Variants in ANO3 observed in about 807,000 individuals in gnomAD.
ANO3 encodes anoctamin-3.
A neutral mutation model predicts 144.8 loss-of-function variants in ANO3; 99 were observed. The ratio of observed to expected loss-of-function variants is 0.68; its 90% confidence interval spans 0.58 to 0.81. ANO3 has a LOEUF of 0.81. Ranked by LOEUF, ANO3 falls within the 30% of genes least tolerant of loss-of-function variation. ANO3 has a pLI of 0.00. For missense variants in ANO3, 905 were observed against 1,202.2 expected (o/e 0.75, Z 3.66); for synonymous variants, 414 against 392.6 (o/e 1.05, Z -0.64).
intron 6 of ANO3, among the ~76,000 whole-genome samples, chr11:26,520,260 A>G (rs1862018743): frequency 6.6e-6 from 1 of 152,168 alleles, no homozygotes; most frequent in Admixed American, 6.5e-5. Context: ...GGAGATTTTG[A>G]AGAGGATGTT....
At chr11:26,450,953 G>C (rs778640698) in intron 3 of ANO3, among the ~76,000 whole-genome samples, 1 of 152,180 alleles carries the variant, frequency 6.6e-6, no homozygotes, top group Non-Finnish European at 1.5e-5. Flanking sequence ...ATAATAGTCT[G>C]CTATATTATA....
intron 22 of ANO3, among the ~76,000 whole-genome samples, chr11:26,642,342 C>CTTTTTTTTTTTTTTTT (rs576729432): frequency 1.1e-5 from 1 of 93,062 alleles, no homozygotes; most frequent in Non-Finnish European, 2.1e-5. Context: ...TTCTTTCTTT[C>CTTTTTTTTTTTTTTTT]TTTTTTTTTT....
chr11:26,647,575 G>T (rs944416584), intron 23 of ANO3, 134 bp from the exon 24 acceptor site: 3 of 708,392 alleles, frequency 4.2e-6, no homozygotes, highest in Non-Finnish European at 6.8e-6. Context: ...TATTGAGATA[G>T]TATAATAAGA....
At chr11:26,515,311 G>T (rs1257693805) in intron 5 of ANO3, among the ~76,000 whole-genome samples, 1 of 148,084 alleles carries the variant, frequency 6.8e-6, no homozygotes, top group Non-Finnish European at 1.5e-5. Context: ...CAGAAGTTTG[G>T]AAATTCAGCA....
At chr11:26,205,195 C>T (rs927743992) in intron 1 of ANO3, among the ~76,000 whole-genome samples, 6 of 152,106 alleles carry the variant, frequency 3.9e-5, no homozygotes, top group South Asian at 4.1e-4. Flanking sequence ...GGAATTATTA[C>T]GATTCAAGGT....
intron 1 of ANO3, among the ~76,000 whole-genome samples, chr11:26,230,554 T>C (rs1432933578): frequency 2.0e-5 from 3 of 151,996 alleles, no homozygotes; most frequent in Non-Finnish European, 4.4e-5. Context: ...CCCAGCATTT[T>C]GGGAGGCCAA....
At position 26,506,150 on chromosome 11, in the gene ANO3, C is replaced by T. The variant is rs532375087; in HGVS notation, c.433-1954C>T. 2.0e-3 allele frequency among the ~76,000 whole-genome samples: 298 copies of T among 152,270 alleles called. 3 individuals are homozygous for T. Among genetic ancestry groups the T allele is most frequent in the Middle Eastern group, 0.017 (5 of 294 alleles). ...CTGTGCCTTCTGTGGCAAAAAAATTCCCTCACCTAAAAGTACTTCTCTCAC... is the reference window on the plus strand; with the variant it reads ...CTGTGCCTTCTGTGGCAAAAAAATTTCCTCACCTAAAAGTACTTCTCTCAC... On this transcript the variant is annotated intron_variant, in intron 4 of 26. Coordinates refer to ENST00000256737, the MANE Select transcript of ANO3 (RefSeq NM_031418.4).
intron 24 of ANO3, among the ~76,000 whole-genome samples, chr11:26,652,185 A>T (rs1385742335): frequency 6.6e-6 from 1 of 152,208 alleles, no homozygotes; most frequent in Non-Finnish European, 1.5e-5. Flanking sequence ...GACTAGTTTC[A>T]CTTTAAATTT....
chr11:26,500,655 T>G (rs1055040161), intron 4 of ANO3, among the ~76,000 whole-genome samples: 3 of 152,154 alleles, frequency 2.0e-5, no homozygotes, highest in African/African-American at 7.2e-5. Flanking sequence ...TATTTGTGTT[T>G]TTATTGTTGA....
chr11:26,425,827 T>C (rs74814251), intron 1 of ANO3, among the ~76,000 whole-genome samples: 1,994 of 152,274 alleles, frequency 0.013, 38 homozygotes, highest in African/African-American at 0.045. Flanking sequence ...CTAAGTGTCT[T>C]ATTTATTTCA....
chr11:26,605,275 T>C (rs1204440516), intron 17 of ANO3, among the ~76,000 whole-genome samples: 1 of 152,190 alleles, frequency 6.6e-6, no homozygotes, highest in Non-Finnish European at 1.5e-5. Flanking sequence ...GCCAACTTGA[T>C]GGTGGTGGAT....
chr11:26,273,708 T>C (rs761955889), intron 1 of ANO3, among the ~76,000 whole-genome samples: 8 of 151,480 alleles, frequency 5.3e-5, no homozygotes, highest in Non-Finnish European at 8.8e-5. Flanking sequence ...GATTTCAAGA[T>C]GTGAATCTTG....
intron 1 of ANO3, among the ~76,000 whole-genome samples, chr11:26,384,789 T>G (rs1856680952): frequency 6.6e-6 from 1 of 152,206 alleles, no homozygotes. Flanking sequence ...TTTTCTAAAT[T>G]TAGTAGCATT....
chr11:26,318,039 A>G (rs1048081651), intron 1 of ANO3, among the ~76,000 whole-genome samples: 1 of 146,246 alleles, frequency 6.8e-6, no homozygotes, highest in Non-Finnish European at 1.5e-5. Context: ...GTTCTCACTC[A>G]TAAGTGGGAG....
At chr11:26,235,147 T>C (rs1214348304) in intron 1 of ANO3, among the ~76,000 whole-genome samples, 1 of 152,210 alleles carries the variant, frequency 6.6e-6, no homozygotes, top group Non-Finnish European at 1.5e-5. Flanking sequence ...AGTCCACCAA[T>C]TCAAATTCTA....
At chr11:26,220,514 C>A (rs1852120937) in intron 1 of ANO3, among the ~76,000 whole-genome samples, 1 of 136,012 alleles carries the variant, frequency 7.4e-6, no homozygotes, top group Admixed American at 7.2e-5. Context: ...CAGTCATTCT[C>A]ACTTCTTACA....
chr11:26,239,427 A>G (rs762461149), intron 1 of ANO3, among the ~76,000 whole-genome samples: 18 of 152,126 alleles, frequency 1.2e-4, no homozygotes, highest in Non-Finnish European at 2.2e-4. Flanking sequence ...GTAAATGCCA[A>G]GTAGTCCCCT....
intron 1 of ANO3, among the ~76,000 whole-genome samples, chr11:26,298,973 C>T (rs75571117): frequency 0.044 from 6,653 of 152,152 alleles, 485 homozygotes; most frequent in African/African-American, 0.15. Context: ...GTGAAGAAGA[C>T]ATACATGTGG....
chr11:26,329,532 G>A (rs1365625556), upstream of ANO3, among the ~76,000 whole-genome samples: 1 of 152,160 alleles, frequency 6.6e-6, no homozygotes, highest in Admixed American at 6.5e-5. Flanking sequence ...CTAATTTTAA[G>A]AAAAGTAATT....
Sources: gnomAD v4.1 joint callset for allele counts (sites outside exome capture counted in the v4.1 genomes callset) on GRCh38, gnomAD v4.1.1 for gene constraint, MANE v1.5 for transcripts, NCBI Gene and HGNC (gene_info 2026-07-23, HGNC 2026-07-21) for gene names.